Variants in TRPM3 observed in about 807,000 individuals in gnomAD.
TRPM3 encodes transient receptor potential cation channel subfamily M member 3.
Under a neutral mutation model 181.2 loss-of-function variants are expected in TRPM3, and 77 were observed. The ratio of observed to expected loss-of-function variants is 0.42; its 90% CI spans 0.35 to 0.51. TRPM3 has a LOEUF of 0.51. TRPM3 is among the 20% of genes least tolerant of loss of function. The probability of loss-of-function intolerance (pLI) is 0.01; values close to 1 mark genes in which losing one functional copy is unlikely to be tolerated. For missense variants in TRPM3, 1,759 were observed against 2,196.7 expected (o/e 0.80, Z 3.98); for synonymous variants, 745 against 796.4 (o/e 0.94, Z 1.09).
intron 1 of TRPM3, among the ~76,000 whole-genome samples, chr9:70,950,321 G>C (rs1052028623): frequency 2.0e-5 from 3 of 152,140 alleles, no homozygotes; most frequent in Admixed American, 2.0e-4. Context: ...TTAATAAAGA[G>C]CTGTCAAAAG....
At chr9:71,266,040 T>A (rs1042439110) in intron 1 of TRPM3, among the ~76,000 whole-genome samples, 9 of 152,220 alleles carry the variant, frequency 5.9e-5, no homozygotes, top group African/African-American at 9.6e-5. Context: ...TGTCTCCAGT[T>A]CCAACACCAG....
At chr9:70,990,328 C>T (rs923374325) in intron 1 of TRPM3, among the ~76,000 whole-genome samples, 5 of 152,148 alleles carry the variant, frequency 3.3e-5, no homozygotes, top group African/African-American at 9.7e-5. Flanking sequence ...CAAACATTCC[C>T]TCTCCTTCAC....
chr9:71,246,613 T>C (rs984725405), intron 1 of TRPM3, among the ~76,000 whole-genome samples: 1 of 152,236 alleles, frequency 6.6e-6, no homozygotes, highest in African/African-American at 2.4e-5. Context: ...TAATAGCCCT[T>C]TATACAAATA....
intron 1 of TRPM3, among the ~76,000 whole-genome samples, chr9:71,025,673 G>T (rs137955505): frequency 2.8e-3 from 434 of 152,338 alleles, no homozygotes; most frequent in African/African-American, 9.7e-3. Context: ...TGGAATTTCA[G>T]CTTGCATCCA....
chr9:71,154,928 C>T (rs1236397508), intron 1 of TRPM3, among the ~76,000 whole-genome samples: 1 of 152,108 alleles, frequency 6.6e-6, no homozygotes, highest in Non-Finnish European at 1.5e-5. Flanking sequence ...ATGAAACAAA[C>T]TCACACAAAA....
chr9:70,595,366 A>AG (rs1191767643), intron 21 of TRPM3, among the ~76,000 whole-genome samples: 6 of 152,198 alleles, frequency 3.9e-5, no homozygotes, highest in African/African-American at 1.4e-4. Flanking sequence ...TCATTCCCTG[A>AG]GGGACACGTG....
intron 1 of TRPM3, among the ~76,000 whole-genome samples, chr9:71,056,729 C>T (rs188330098): frequency 2.6e-5 from 4 of 151,970 alleles, no homozygotes; most frequent in Admixed American, 2.6e-4. Flanking sequence ...ATCTACAAAC[C>T]AATGAGAGAG....
intron 1 of TRPM3, among the ~76,000 whole-genome samples, chr9:71,442,113 A>G (rs1360065255): frequency 1.3e-5 from 2 of 152,194 alleles, no homozygotes; most frequent in African/African-American, 4.8e-5. Context: ...ACCAGCTGAA[A>G]TGGACTTGCT....
chr9:70,765,307 C>T (rs746651831), intron 7 of TRPM3, among the ~76,000 whole-genome samples: 1 of 152,096 alleles, frequency 6.6e-6, no homozygotes, highest in Non-Finnish European at 1.5e-5. Flanking sequence ...GGTATATTTG[C>T]GGGCCGGGTT....
At chr9:70,687,363 T>TTAAC (rs1189893072) in intron 8 of TRPM3, among the ~76,000 whole-genome samples, 3 of 152,202 alleles carry the variant, frequency 2.0e-5, no homozygotes, top group Non-Finnish European at 2.9e-5. Context: ...GTAAAAGTTA[T>TTAAC]TAACTTAATC....
chr9:71,104,504 T>C (rs531928254), intron 1 of TRPM3, among the ~76,000 whole-genome samples: 2 of 152,302 alleles, frequency 1.3e-5, no homozygotes, highest in Non-Finnish European at 2.9e-5. Flanking sequence ...GTAATTAATA[T>C]TATTAAACTG....
In TRPM3 at chr9:71,264,577, C is replaced by G. The variant is rs2083265260; in HGVS notation, c.183+182076G>C. ...ACCTGTAAGCATACAAGCACGAAAG[C>G]TTCTATAAGCTTTAAACACATACAT... On this transcript the variant is annotated intron_variant, in intron 1 of 24. Transcript: ENST00000357533. Among the ~76,000 whole-genome samples the G allele has an allele frequency of 2.6e-5, 4 of 152,252 alleles. 1 individual carries two copies. The South Asian group carries it at 8.3e-4, about 32-fold the overall frequency.
At chr9:70,942,382 A>G (rs1024222668) in intron 1 of TRPM3, among the ~76,000 whole-genome samples, 2 of 152,214 alleles carry the variant, frequency 1.3e-5, no homozygotes, top group Non-Finnish European at 2.9e-5. Context: ...AAATGCATGG[A>G]GTTCAAGAAG....
At chr9:70,914,516 G>C (rs1341887954) in intron 1 of TRPM3, among the ~76,000 whole-genome samples, 2 of 152,228 alleles carry the variant, frequency 1.3e-5, no homozygotes, top group Non-Finnish European at 2.9e-5. Flanking sequence ...GGACGCTGAA[G>C]CAGAACAGAC....
chr9:70,846,334 T>C, intron 4 of TRPM3, 44 bp downstream of exon 4: 1 of 1,558,686 alleles, frequency 6.4e-7, no homozygotes, highest in Non-Finnish European at 8.9e-7. Context: ...AGGCACAACA[T>C]TCCCATGGCC....
chr9:70,976,683 C>T (rs2097306019), intron 1 of TRPM3, among the ~76,000 whole-genome samples: 1 of 152,226 alleles, frequency 6.6e-6, no homozygotes. Flanking sequence ...CTCCCCATTT[C>T]AGTAGCTGTG....
intron 6 of TRPM3, among the ~76,000 whole-genome samples, chr9:70,788,006 CTTTT>C (rs557213258): frequency 2.3e-5 from 3 of 129,346 alleles, no homozygotes; most frequent in Non-Finnish European, 3.3e-5. Flanking sequence ...ACTATCCTGA[CTTTT>C]TTTTTTTTTT....
At chr9:71,162,112 A>G (rs910080222) in intron 1 of TRPM3, among the ~76,000 whole-genome samples, 3 of 148,562 alleles carry the variant, frequency 2.0e-5, no homozygotes, top group Non-Finnish European at 4.4e-5. Context: ...AGACAGGAGA[A>G]TCACTTGAAC....
At chr9:71,299,892 A>G (rs995103082) in intron 1 of TRPM3, among the ~76,000 whole-genome samples, 2 of 152,248 alleles carry the variant, frequency 1.3e-5, no homozygotes, top group African/African-American at 4.8e-5. Context: ...AATGTAAGGG[A>G]GAGAGAAAAT....
Sources: allele counts gnomAD v4.1 joint callset (sites outside exome capture counted in the v4.1 genomes callset), GRCh38; gene constraint gnomAD v4.1.1; transcripts MANE v1.5; gene names NCBI Gene and HGNC (gene_info 2026-07-23, HGNC 2026-07-21).